Variants in IGFBP5 observed in about 807,000 individuals in gnomAD.
IGFBP5 encodes the protein insulin-like growth factor-binding protein 5.
In IGFBP5, 12 loss-of-function variants were observed where a neutral mutation model predicts 28.0. The ratio of observed to expected loss-of-function variants is 0.43; its 90% confidence interval spans 0.27 to 0.69. The LOEUF is 0.69. Ranked by LOEUF, IGFBP5 falls within the 30% of genes least tolerant of loss-of-function variation. The pLI is 0.20. For missense variants in IGFBP5, 344 were observed against 381.6 expected, an observed-to-expected ratio of 0.90 and a Z score of 0.82; for synonymous variants, 152 against 150.2, an observed-to-expected ratio of 1.01 and a Z score of -0.09.
intron 1 of IGFBP5, among the ~76,000 whole-genome samples, chr2:216,682,143 C>T (rs1688984024): frequency 6.6e-6 from 1 of 152,356 alleles, no homozygotes; most frequent in African/African-American, 2.4e-5. Flanking sequence ...TTTTTGGCTG[C>T]TTCTGAAGAG....
chr2:216,693,902 G>A (rs1017417835), intron 1 of IGFBP5, among the ~76,000 whole-genome samples: 10 of 152,046 alleles, frequency 6.6e-5, no homozygotes, highest in African/African-American at 2.4e-4. Flanking sequence ...AGGGGTGGAG[G>A]GATAGAAACG....
At chr2:216,689,913 G>T (rs1181094362) in intron 1 of IGFBP5, among the ~76,000 whole-genome samples, 3 of 152,148 alleles carry the variant, frequency 2.0e-5, no homozygotes, top group Admixed American at 6.5e-5. Context: ...TGGCCAAGGT[G>T]GGAATATAAC....
At chr2:216,682,088 C>A (rs758593278) in intron 1 of IGFBP5, among the ~76,000 whole-genome samples, 2 of 152,216 alleles carry the variant, frequency 1.3e-5, no homozygotes, top group African/African-American at 4.8e-5. Flanking sequence ...CCCAGCCTCC[C>A]CAAGGCAAGT....
Position 216,679,025 on chromosome 2 carries a change from G to A in IGFBP5, c.392C>T (p.Thr131Ile). 1 of 1,614,150 alleles carries A rather than the reference G, an allele frequency of 6.2e-7. No homozygotes were observed. Among genetic ancestry groups the A allele is most frequent in the Non-Finnish European group, 8.5e-7 (1 of 1,180,028 alleles). Residue 131 changes from threonine (T) to isoleucine (I), a missense_variant, in exon 2 of 4, where the codon ACC (threonine) becomes ATC (isoleucine). Physicochemically the swap from Thr to Ile is moderately conservative, Grantham distance 89 (BLOSUM62 -1). Around this residue, in one of 3 missense-constraint regions of IGFBP5, gnomAD observed 304 missense variants for 329.2 expected, o/e 0.92. Coordinates refer to ENST00000233813, the MANE Select transcript of IGFBP5 (RefSeq NM_000599.4). The surrounding 1 kb of genome is among the most constrained non-coding windows in gnomAD (Gnocchi z 4.6). The part of the protein sequence containing the change: ...EPTTSEMAEE[T>I]YSPKIFRPKH... ...GGGCCGGAAGATCTTGGGGGAGTAG[G>A]TCTCCTCGGCCATCTCAGAGGTGGT...
At chr2:216,691,592 CA>C (rs995880564) in intron 1 of IGFBP5, among the ~76,000 whole-genome samples, 2 of 152,102 alleles carry the variant, frequency 1.3e-5, no homozygotes, top group African/African-American at 4.8e-5. Context: ...TCGCTCTCAG[CA>C]CCCTGCTCTC....
intron 1 of IGFBP5, among the ~76,000 whole-genome samples, chr2:216,682,095 A>C (rs894824908): frequency 3.3e-5 from 5 of 152,230 alleles, no homozygotes; most frequent in African/African-American, 1.2e-4. Flanking sequence ...TCCCCAAGGC[A>C]AGTCTCCTGA....
chr2:216,676,823 C>T lies in IGFBP5; in HGVS notation c.747G>A (p.Met249Ile). The change falls in exon 4 of 4, where the codon ATG becomes ATA. Residue 249 changes from methionine to isoleucine, a missense_variant. By Grantham distance (10) the Met-to-Ile change is conservative. Around this residue, in one of 3 missense-constraint regions of IGFBP5, gnomAD observed 36 missense variants for 34.1 expected, o/e 1.06. Coordinates refer to ENST00000233813, the MANE Select transcript of IGFBP5 (RefSeq NM_000599.4). ...GICWCVDKYGMKLPGMEYVDG... is the reference protein window; with the variant it reads ...GICWCVDKYGIKLPGMEYVDG... ...CAACGTACTCCATGCCTGGCAGCTT[C>T]ATCCCGTACTTGTCCACGCACCAGC... 1 of 1,614,056 alleles carries T rather than the reference C, an allele frequency of 6.2e-7. No homozygotes were observed. The highest frequency in any genetic ancestry group is 1.3e-5 in the African/African-American group (1 of 75,016).
intron 1 of IGFBP5, among the ~76,000 whole-genome samples, chr2:216,685,638 T>G (rs1188682327): frequency 6.6e-6 from 1 of 152,180 alleles, no homozygotes; most frequent in East Asian, 1.9e-4. Flanking sequence ...GTTCACTGTT[T>G]GAAAAAATGT....
chr2:216,677,120 T>C (rs534032276), intron 3 of IGFBP5, among the ~76,000 whole-genome samples: 1 of 151,952 alleles, frequency 6.6e-6, no homozygotes, highest in Non-Finnish European at 1.5e-5. Flanking sequence ...TTTTTTTTTT[T>C]CAGACATGGG....
rs1024794646 is a variant in IGFBP5 at position 216,674,522 on chromosome 2, A to G, written c.*2229T>C. 2.0e-5 allele frequency: 3 copies of G among 152,226 alleles called. No homozygotes were observed. The highest frequency in any genetic ancestry group is 7.2e-5 in the African/African-American group (3 of 41,440). The allele number at this position is 152,226 out of a possible 1,614,324, so 9.4% of individuals were successfully genotyped here. A position where few individuals can be genotyped will look rare whatever the true frequency, so the allele number is the denominator to read the frequency against. Reference sequence around the variant, plus strand: ...TTCGCTATTCCTCTTCGTAGCCCCAAATTCGTTGTTGGAGGCGGTCTCCGC... The same window carrying G: ...TTCGCTATTCCTCTTCGTAGCCCCAGATTCGTTGTTGGAGGCGGTCTCCGC... On this transcript the variant is annotated 3_prime_UTR_variant, in exon 4 of 4. Transcript: ENST00000233813. This position sits in a 1 kb window ranked among gnomAD's most constrained non-coding sequence, Gnocchi z 4.4.
chr2:216,684,305 A>AC (rs1293732498), intron 1 of IGFBP5, among the ~76,000 whole-genome samples: 1 of 150,902 alleles, frequency 6.6e-6, no homozygotes, highest in Non-Finnish European at 1.5e-5. Context: ...TAAAATCTAA[A>AC]CCCCCCGCCC....
In IGFBP5 at chr2:216,675,084, G is replaced by T. The variant is rs1444326086; in HGVS notation, c.*1667C>A. On this transcript the variant is annotated 3_prime_UTR_variant, in exon 4 of 4. Coordinates refer to ENST00000233813, the MANE Select transcript of IGFBP5 (RefSeq NM_000599.4). ...AAATACATATGGTGGGGAAGCTAAG[G>T]AAATTTCTATTGGCTTTTCCCCCTT... 6.6e-6 allele frequency: 1 copy of T among 152,128 alleles called. No homozygotes were observed. The highest frequency in any genetic ancestry group is 1.5e-5 in the Non-Finnish European group (1 of 68,048). The allele number at this position is 152,128 out of a possible 1,614,324, so 9.4% of individuals were successfully genotyped here. A position where few individuals can be genotyped will look rare whatever the true frequency, so the allele number is the denominator to read the frequency against.
In IGFBP5 at chr2:216,679,067, C is replaced by T. The variant is rs199848537; in HGVS notation, c.350G>A (p.Arg117His). 138 of 1,613,998 alleles carry T rather than the reference C, an allele frequency of 8.6e-5. 1 individual carries two copies. The highest frequency in any genetic ancestry group is 1.2e-4 in the South Asian group (11 of 91,084). The change falls in exon 2 of 4, where the codon CGT becomes CAT. Residue 117 changes from arginine to histidine, a missense_variant. Arg to His is a conservative substitution (Grantham distance 29). This residue lies in a region of IGFBP5 where 304 missense variants were observed against 329.2 expected (regional missense o/e 0.92). Transcript: ENST00000233813. The surrounding 1 kb of genome is among the most constrained non-coding windows in gnomAD (Gnocchi z 4.6). Reference protein sequence around the residue: ...REQVKIERDSREHEEPTTSEM... With the variant: ...REQVKIERDSHEHEEPTTSEM... ...AGAGGTGGTGGGCTCCTCGTGCTCA[C>T]GGGAGTCTCTCTCTGCAGGAGAAGG...
chr2:216,683,783 G>A (rs1689006750), intron 1 of IGFBP5, among the ~76,000 whole-genome samples: 1 of 152,180 alleles, frequency 6.6e-6, no homozygotes, highest in South Asian at 2.1e-4. Flanking sequence ...GACTAAGGGA[G>A]GGGATGATGA....
intron 1 of IGFBP5, among the ~76,000 whole-genome samples, chr2:216,691,873 GTGTGTA>G (rs1309656217): frequency 7.1e-6 from 1 of 140,832 alleles, no homozygotes; most frequent in Non-Finnish European, 1.5e-5. Context: ...GTGTGTGTGT[GTGTGTA>G]TGCTGCAACT....
Position 216,676,720 on chromosome 2 carries a change from G to A in IGFBP5, c.*31C>T, listed in dbSNP as rs766954967. The A allele has an allele frequency of 6.5e-7, 1 of 1,547,714 alleles. No homozygotes were observed. The highest frequency in any genetic ancestry group is 1.1e-5 in the South Asian group (1 of 87,042). On this transcript the variant is annotated 3_prime_UTR_variant, in exon 4 of 4. Coordinates refer to ENST00000233813, the MANE Select transcript of IGFBP5 (RefSeq NM_000599.4). ...GCTGGAGTCGGGGCTGGGGGTGGGAGGGGGTGAGGGAAAGGTTGGGGGGGG... is the reference window on the plus strand; with the variant it reads ...GCTGGAGTCGGGGCTGGGGGTGGGAAGGGGTGAGGGAAAGGTTGGGGGGGG...
Position 216,685,872 on chromosome 2 carries a change from T to G in IGFBP5, c.338-6793A>C, listed in dbSNP as rs962314607. 8.5e-5 allele frequency among the ~76,000 whole-genome samples: 13 copies of G among 152,210 alleles called. No homozygotes were observed. In the South Asian group the frequency reaches 1.7e-3, roughly 19 times the overall value. On this transcript the variant is annotated intron_variant, in intron 1 of 3. Transcript: ENST00000233813. ...CGCCAGTCTCTCTCAGAAGACATTTTTTTTTGTTTTTGTTTTTTGTTTGTT... is the reference window on the plus strand; with the variant it reads ...CGCCAGTCTCTCTCAGAAGACATTTGTTTTTGTTTTTGTTTTTTGTTTGTT...
chr2:216,693,464 G>T (rs576489560), intron 1 of IGFBP5, among the ~76,000 whole-genome samples: 2 of 151,290 alleles, frequency 1.3e-5, no homozygotes, highest in Admixed American at 6.6e-5. Context: ...GATTGCGGAG[G>T]GAGGAATTGC....
Position 216,694,769 on chromosome 2 carries a change from A to C in IGFBP5, c.7T>G (p.Leu3Val). ...AGCAGCAGGAGGACCGCGGTGAGCA[A>C]CACCATCTTCTCTTAGTCGCCCCCT... Reference protein sequence around the residue: MVLLTAVLLLLAA... With the variant: MVVLTAVLLLLAA... Residue 3 changes from leucine to valine, a missense_variant, in exon 1 of 4, where the codon TTG becomes GTG. Leu to Val is a conservative substitution (Grantham distance 32). Coordinates refer to ENST00000233813, the MANE Select transcript of IGFBP5 (RefSeq NM_000599.4). The surrounding 1 kb of genome is among the most constrained non-coding windows in gnomAD (Gnocchi z 5.2). 2 of 1,413,224 alleles carry C rather than the reference A, an allele frequency of 1.4e-6. No individual in the cohort carries two copies. 87.5% of individuals were successfully genotyped at this position (1,413,224 alleles called of 1,614,324 possible).
Sources: allele counts gnomAD v4.1 joint callset (sites outside exome capture counted in the v4.1 genomes callset), GRCh38; gene constraint gnomAD v4.1.1; regional missense constraint gnomAD v4.1.1; non-coding constraint Gnocchi (gnomAD v3.1); transcripts MANE v1.5; gene names NCBI Gene and HGNC (gene_info 2026-07-23, HGNC 2026-07-21).